Variants in EXOC6B observed in about 807,000 individuals in gnomAD.
EXOC6B encodes exocyst complex component 6B.
Under a neutral mutation model 113.5 loss-of-function variants are expected in EXOC6B, and 54 were observed. The ratio of observed to expected loss-of-function variants is 0.48; its 90% CI spans 0.38 to 0.60. The LOEUF is 0.60. EXOC6B is among the 20% of genes least tolerant of loss of function. The pLI, the probability that EXOC6B is intolerant of heterozygous loss-of-function variation, is 0.00. For missense variants in EXOC6B, 797 were observed against 977.5 expected (o/e 0.82, Z 2.46); for synonymous variants, 357 against 339.0 (o/e 1.05, Z -0.58).
intron 20 of EXOC6B, among the ~76,000 whole-genome samples, chr2:72,246,969 T>A (rs1682703594): frequency 6.6e-6 from 1 of 152,124 alleles, no homozygotes; most frequent in African/African-American, 2.4e-5. Context: ...GTTTCCACAA[T>A]ATAGTTTCCC....
chr2:72,521,783 G>A (rs532558128), intron 8 of EXOC6B, among the ~76,000 whole-genome samples: 3 of 152,074 alleles, frequency 2.0e-5, no homozygotes, highest in South Asian at 2.1e-4. Flanking sequence ...TGCAACCTCC[G>A]CCTCCCGGGT....
intron 20 of EXOC6B, among the ~76,000 whole-genome samples, chr2:72,212,204 T>C (rs1350873916): frequency 6.6e-6 from 1 of 152,136 alleles, no homozygotes; most frequent in Non-Finnish European, 1.5e-5. Flanking sequence ...GATGTCTAGA[T>C]GTAAGGAGCA....
intron 6 of EXOC6B, among the ~76,000 whole-genome samples, chr2:72,637,228 T>C (rs1309458745): frequency 6.6e-6 from 1 of 152,028 alleles, no homozygotes; most frequent in African/African-American, 2.4e-5. Context: ...GTAATAAATA[T>C]GTCAATTCCA....
chr2:72,631,426 GTATATATATA>G (rs376088377), intron 6 of EXOC6B, among the ~76,000 whole-genome samples: 424 of 28,128 alleles, frequency 0.015, 16 homozygotes, highest in Middle Eastern at 0.023. Context: ...GTGTGTGTGT[GTATATATATA>G]TATATATATA....
intron 1 of EXOC6B, among the ~76,000 whole-genome samples, chr2:72,753,407 A>C (rs1682189723): frequency 6.6e-6 from 1 of 151,938 alleles, no homozygotes; most frequent in African/African-American, 2.4e-5. Context: ...CCTCATAACT[A>C]GTCACCAAGA....
At chr2:72,811,674 T>A (rs1297205517) in intron 1 of EXOC6B, among the ~76,000 whole-genome samples, 1 of 152,118 alleles carries the variant, frequency 6.6e-6, no homozygotes, top group Admixed American at 6.6e-5. Flanking sequence ...CTTAACAATA[T>A]ATCAGCAAAT....
At chr2:72,668,720 T>C (rs1352653580) in intron 6 of EXOC6B, among the ~76,000 whole-genome samples, 1 of 152,108 alleles carries the variant, frequency 6.6e-6, no homozygotes, top group Admixed American at 6.5e-5. Context: ...AAACACTGGA[T>C]ACGCACAGCC....
Position 72,465,353 on chromosome 2 carries a change from T to C in EXOC6B, c.1801-14A>G. The C allele has an allele frequency of 1.9e-6, 3 of 1,553,658 alleles. No individual in the cohort carries two copies. The highest frequency in any genetic ancestry group is 1.2e-5 in the South Asian group (1 of 83,286). On this transcript the variant is annotated splice_polypyrimidine_tract_variant and intron_variant, in intron 17 of 21. Transcript: ENST00000272427. ...ATGTCTAGCATCCTGTGAAAAAATA[T>C]AAAATTTGAAAAATCACTCAGATTT...
At chr2:72,419,027 A>C (rs1453171692) in intron 18 of EXOC6B, among the ~76,000 whole-genome samples, 5 of 152,150 alleles carry the variant, frequency 3.3e-5, no homozygotes, top group Non-Finnish European at 7.4e-5. Context: ...TTAACATCCT[A>C]AAGTTATCAC....
chr2:72,442,298 C>T (rs1314060629), intron 18 of EXOC6B, among the ~76,000 whole-genome samples: 1 of 152,076 alleles, frequency 6.6e-6, no homozygotes, highest in Non-Finnish European at 1.5e-5. Flanking sequence ...CAACATCACA[C>T]TAAATGGGAA....
chr2:72,238,167 G>A (rs1438242460), intron 20 of EXOC6B, among the ~76,000 whole-genome samples: 1 of 152,162 alleles, frequency 6.6e-6, no homozygotes, highest in African/African-American at 2.4e-5. Flanking sequence ...CATATAATAT[G>A]TGGCCTTTTG....
chr2:72,752,355 T>C (rs1682102471), intron 1 of EXOC6B, among the ~76,000 whole-genome samples: 1 of 152,152 alleles, frequency 6.6e-6, no homozygotes, highest in African/African-American at 2.4e-5. Flanking sequence ...AAATCTCATA[T>C]ATCTTCCACT....
chr2:72,455,886 G>T, intron 18 of EXOC6B, among the ~76,000 whole-genome samples: 1 of 151,980 alleles, frequency 6.6e-6, no homozygotes. Context: ...CCTGGTATAT[G>T]GTATGTACTC....
At chr2:72,450,827 C>T (rs1054671718) in intron 18 of EXOC6B, among the ~76,000 whole-genome samples, 34 of 152,108 alleles carry the variant, frequency 2.2e-4, no homozygotes. Flanking sequence ...TAGACTAGGA[C>T]TAGAATTTTT....
chr2:72,551,829 A>G (rs1200031294), intron 8 of EXOC6B, among the ~76,000 whole-genome samples: 3 of 152,204 alleles, frequency 2.0e-5, no homozygotes, highest in Non-Finnish European at 4.4e-5. Context: ...AAACTAGCAT[A>G]CACACAGTGA....
chr2:72,818,245 C>T (rs984222743), intron 1 of EXOC6B, among the ~76,000 whole-genome samples: 3 of 151,806 alleles, frequency 2.0e-5, no homozygotes, highest in East Asian at 1.9e-4. Context: ...CCCAGGTTCA[C>T]GCCATTCTCC....
intron 6 of EXOC6B, among the ~76,000 whole-genome samples, chr2:72,654,657 C>G (rs1044838789): frequency 3.9e-5 from 6 of 152,120 alleles, no homozygotes; most frequent in Admixed American, 2.6e-4. Context: ...TCTTTTCTTT[C>G]TTTTCCTGAT....
intron 1 of EXOC6B, among the ~76,000 whole-genome samples, chr2:72,823,328 G>A (rs1312092510): frequency 6.6e-6 from 1 of 151,424 alleles, no homozygotes; most frequent in Admixed American, 6.6e-5. Flanking sequence ...CCACTTTTCA[G>A]TGAAAAAACT....
intron 20 of EXOC6B, among the ~76,000 whole-genome samples, chr2:72,214,424 G>C (rs1325807762): frequency 6.6e-6 from 1 of 151,478 alleles, no homozygotes; most frequent in African/African-American, 2.4e-5. Flanking sequence ...CTGGGAGGCG[G>C]AGCTTGCAGT....
Sources: gnomAD v4.1 joint callset for allele counts (sites outside exome capture counted in the v4.1 genomes callset) on GRCh38, gnomAD v4.1.1 for gene constraint, MANE v1.5 for transcripts, NCBI Gene and HGNC (gene_info 2026-07-23, HGNC 2026-07-21) for gene names.